Variants in MCF2L2 observed in about 807,000 individuals in gnomAD.
MCF2L2 encodes MCF.2 cell line derived transforming sequence-like 2.
MCF2L2 carries 102 observed loss-of-function variants against 150.2 expected under a neutral mutation model. The observed-to-expected ratio is 0.68, with a 90% CI of 0.58 to 0.80. MCF2L2 has a LOEUF of 0.80. Among genes scored for constraint, MCF2L2 ranks in the 30% least tolerant of loss-of-function variants. MCF2L2 has a pLI of 0.00. For synonymous variants in MCF2L2, 465 were observed against 491.3 expected, an observed-to-expected ratio of 0.95 and a Z score of 0.71; for missense variants, 1,256 against 1,372.8, an observed-to-expected ratio of 0.91 and a Z score of 1.34.
intron 3 of MCF2L2, among the ~76,000 whole-genome samples, chr3:183,368,822 C>T (rs1712690777): frequency 6.6e-6 from 1 of 152,164 alleles, no homozygotes; most frequent in African/African-American, 2.4e-5. Context: ...GTTGGCCGAC[C>T]TCTGACCTGG....
At position 183,254,536 on chromosome 3, in the gene MCF2L2, G is replaced by A. The variant is rs1724851426; in HGVS notation, c.1862+22336C>T. ...TCGGGGGCCGGGCAGCTCCGGTTGG[G>A]GCGGCTTCCCGGGGCCTGCGGGTCC... is the stretch of plus-strand genomic sequence containing the variant. On this transcript the variant is annotated intron_variant, in intron 15 of 29. Transcript: ENST00000328913. 4 of 152,218 alleles carry A rather than the reference G, an allele frequency of 2.6e-5. No individual in the cohort carries two copies. The South Asian group carries it at 8.3e-4, about 31-fold the overall frequency. 9.4% of individuals were successfully genotyped at this position (152,218 alleles called of 1,614,324 possible). A position where few individuals can be genotyped will look rare whatever the true frequency, so the allele number is the denominator to read the frequency against.
Position 183,290,048 on chromosome 3 carries a change from A to AT in MCF2L2, c.1676-829dup, listed in dbSNP as rs528795866. Among the ~76,000 whole-genome samples, 420 of 152,350 alleles carry AT rather than the reference A, an allele frequency of 2.8e-3. 3 individuals are homozygous for AT. The highest frequency in any genetic ancestry group is 0.015 in the South Asian group (73 of 4,832). On this transcript the variant is annotated intron_variant, in intron 13 of 29. Coordinates refer to ENST00000328913, the MANE Select transcript of MCF2L2 (RefSeq NM_015078.4). ...CTACATTGTATTGAATATATTTTCC[A>AT]TTATAAAGGTAATTAATTTTTGCTT...
At position 183,309,188 on chromosome 3, in the gene MCF2L2, C is replaced by T. The variant is rs150991679; in HGVS notation, c.1113+528G>A. 6.4e-3 allele frequency among the ~76,000 whole-genome samples: 979 copies of T among 152,254 alleles called. 15 individuals carry two copies. Among genetic ancestry groups the T allele is most frequent in the African/African-American group, 0.02 (838 of 41,534 alleles). On this transcript the variant is annotated intron_variant, in intron 10 of 29. Coordinates refer to ENST00000328913, the MANE Select transcript of MCF2L2 (RefSeq NM_015078.4). The stretch of plus-strand genomic sequence containing the variant: ...GGACATGAGAAAGGAGAAAGCTTTG[C>T]CAATTCTGTGTAGCAATGGAACTAA...
chr3:183,315,211 C>T (rs1352670119), intron 7 of MCF2L2, among the ~76,000 whole-genome samples: 3 of 151,688 alleles, frequency 2.0e-5, no homozygotes, highest in East Asian at 2.0e-4. Flanking sequence ...AGTGCTGGGA[C>T]TACATACAGG....
intron 1 of MCF2L2, among the ~76,000 whole-genome samples, chr3:183,391,123 G>C (rs1453846232): frequency 6.6e-6 from 1 of 152,038 alleles, no homozygotes; most frequent in Non-Finnish European, 1.5e-5. Flanking sequence ...TCTGAGTCTT[G>C]GTCTACTCTC....
intron 1 of MCF2L2, among the ~76,000 whole-genome samples, chr3:183,402,322 C>T (rs983742758): frequency 3.3e-5 from 5 of 151,564 alleles, no homozygotes; most frequent in South Asian, 2.1e-4. Flanking sequence ...GGGTTTTTCC[C>T]GGGTGCCTGT....
chr3:183,185,480 T>C (rs1721662598), intron 27 of MCF2L2, among the ~76,000 whole-genome samples: 1 of 152,228 alleles, frequency 6.6e-6, no homozygotes, highest in Non-Finnish European at 1.5e-5. Context: ...GTAAAATGAA[T>C]GATAAAAAGA....
Position 183,311,735 on chromosome 3 carries a change from A to G in MCF2L2, c.791T>C (p.Leu264Ser). The G allele has an allele frequency of 1.2e-6, 2 of 1,614,148 alleles. No individual in the cohort carries two copies. The highest frequency in any genetic ancestry group is 1.7e-6 in the Non-Finnish European group (2 of 1,180,002). ...LKLLGKQGTT[L>S]LSCIQEPATK... Reference sequence around the variant, plus strand: ...TGCTGGTTCTTGGATGCATGACAGCAATGTGGTCCCCTGCTTTCCAAGTAA... The same window carrying G: ...TGCTGGTTCTTGGATGCATGACAGCGATGTGGTCCCCTGCTTTCCAAGTAA... The change falls in exon 8 of 30, where the codon TTG becomes TCG. Residue 264 changes from leucine to serine, a missense_variant. Leu to Ser is a moderately radical substitution (Grantham distance 145). Coordinates refer to ENST00000328913, the MANE Select transcript of MCF2L2 (RefSeq NM_015078.4).
chr3:183,220,376 T>C (rs1024770353), intron 20 of MCF2L2, among the ~76,000 whole-genome samples: 3 of 152,208 alleles, frequency 2.0e-5, no homozygotes, highest in African/African-American at 7.2e-5. Context: ...CAATATCTCA[T>C]GAATATTTTC....
intron 14 of MCF2L2, among the ~76,000 whole-genome samples, chr3:183,285,212 T>C (rs917107391): frequency 3.3e-5 from 5 of 152,220 alleles, no homozygotes; most frequent in African/African-American, 9.6e-5. Flanking sequence ...AAGATCCTGC[T>C]AGGTGTCAGG....
Position 183,179,227 on chromosome 3 carries a change from G to T in MCF2L2, c.*153C>A. On this transcript the variant is annotated 3_prime_UTR_variant, in exon 30 of 30. Transcript: ENST00000328913. The surrounding 1 kb of genome is among the most constrained non-coding windows in gnomAD (Gnocchi z 4.2). ...AGGCGCGCACCCAGGACACCCCTCG[G>T]GCTCCTCGGAGGAGGCCCTGGTTGT... is the stretch of plus-strand genomic sequence containing the variant. 1.9e-6 allele frequency: 2 copies of T among 1,072,740 alleles called. No homozygotes were observed. The highest frequency in any genetic ancestry group is 2.5e-6 in the Non-Finnish European group (2 of 814,166). 66.5% of individuals were successfully genotyped at this position (1,072,740 alleles called of 1,614,324 possible).
intron 25 of MCF2L2, among the ~76,000 whole-genome samples, chr3:183,198,438 G>A (rs1443830315): frequency 6.6e-6 from 1 of 152,120 alleles, no homozygotes; most frequent in Admixed American, 6.5e-5. Flanking sequence ...GTGAGGGAGG[G>A]GCAGGAGAAA....
At chr3:183,321,055 T>C (rs905717111) in intron 6 of MCF2L2, among the ~76,000 whole-genome samples, 1 of 152,180 alleles carries the variant, frequency 6.6e-6, no homozygotes, top group African/African-American at 2.4e-5. Context: ...ATCCATTAAG[T>C]TCACTGTCTT....
At chr3:183,275,145 T>A (rs1727088110) in intron 15 of MCF2L2, among the ~76,000 whole-genome samples, 1 of 152,150 alleles carries the variant, frequency 6.6e-6, no homozygotes, top group Non-Finnish European at 1.5e-5. Flanking sequence ...CTCCCCAAAT[T>A]TATATTTAGT....
At chr3:183,212,973 T>TGGGGGGGA (rs1722790258) in intron 22 of MCF2L2, among the ~76,000 whole-genome samples, 1 of 13,166 alleles carries the variant, frequency 7.6e-5, no homozygotes, top group Non-Finnish European at 1.6e-4. Context: ...GGTGGGGGGG[T>TGGGGGGGA]GGGGAATGAA....
At chr3:183,284,483 C>T (rs1244821202) in intron 14 of MCF2L2, among the ~76,000 whole-genome samples, 1 of 152,156 alleles carries the variant, frequency 6.6e-6, no homozygotes, top group East Asian at 1.9e-4. Context: ...AGGTGGGTCA[C>T]CTGAGGTCAG....
At chr3:183,343,396 A>G (rs1407931808) in intron 3 of MCF2L2, among the ~76,000 whole-genome samples, 3 of 146,446 alleles carry the variant, frequency 2.0e-5, no homozygotes, top group Non-Finnish European at 3.0e-5. Flanking sequence ...TTTGAGACGG[A>G]GTCTCACTTT....
chr3:183,322,749 C>G (rs1188781499), intron 6 of MCF2L2, among the ~76,000 whole-genome samples: 1 of 152,118 alleles, frequency 6.6e-6, no homozygotes, highest in Non-Finnish European at 1.5e-5. Context: ...TAGTGAGTAT[C>G]GTACCCAATA....
At chr3:183,374,999 G>C (rs925825872) in intron 3 of MCF2L2, 1 of 152,192 alleles carries the variant, frequency 6.6e-6, no homozygotes, top group Admixed American at 6.5e-5. Flanking sequence ...GTTTATGGTT[G>C]AGAAAACAGC....
Sources: gnomAD v4.1 joint callset for allele counts (sites outside exome capture counted in the v4.1 genomes callset) on GRCh38, gnomAD v4.1.1 for gene constraint, Gnocchi (gnomAD v3.1) non-coding constraint, MANE v1.5 for transcripts, NCBI Gene and HGNC (gene_info 2026-07-23, HGNC 2026-07-21) for gene names.